GLRA1: variants seen among roughly 807,000 people sequenced by gnomAD.
GLRA1 encodes the protein glycine receptor alpha 1, also known as glycine receptor subunit alpha-1.
A neutral mutation model predicts 48.3 loss-of-function variants in GLRA1; 37 were observed. That is an observed-to-expected ratio of 0.77 (90% CI 0.59 to 1.01). The LOEUF (loss-of-function observed/expected upper bound fraction) is 1.01. Among genes scored for constraint, GLRA1 ranks in the 50% least tolerant of loss-of-function variants. GLRA1 has a pLI of 0.00. For missense variants in GLRA1, 427 were observed against 571.0 expected (o/e 0.75, Z 2.57); for synonymous variants, 196 against 210.7 (o/e 0.93, Z 0.60).
chr5:151,917,383 T>C (rs1303457005), intron 1 of GLRA1, among the ~76,000 whole-genome samples: 1 of 152,210 alleles, frequency 6.6e-6, no homozygotes, highest in Non-Finnish European at 1.5e-5. Flanking sequence ...TTCTGAGAGA[T>C]TCTGTTTCAG....
intron 1 of GLRA1, among the ~76,000 whole-genome samples, chr5:151,906,423 T>C (rs939912733): frequency 3.0e-4 from 46 of 152,196 alleles, no homozygotes; most frequent in Non-Finnish European, 2.9e-5. Flanking sequence ...ATTTATTATA[T>C]TTAGTTGTAG....
intron 1 of GLRA1, among the ~76,000 whole-genome samples, chr5:151,895,056 A>T (rs1754196328): frequency 6.6e-6 from 1 of 152,020 alleles, no homozygotes; most frequent in African/African-American, 2.4e-5. Flanking sequence ...TCTAGGTATG[A>T]TTGTATAGAT....
At chr5:151,904,998 A>T (rs1365832986) in intron 1 of GLRA1, among the ~76,000 whole-genome samples, 2 of 152,196 alleles carry the variant, frequency 1.3e-5, no homozygotes, top group African/African-American at 4.8e-5. Context: ...GTTATGTAGT[A>T]AATTAATAGT....
At chr5:151,837,911 TAACA>T (rs1245546267) in intron 7 of GLRA1, among the ~76,000 whole-genome samples, 3 of 152,132 alleles carry the variant, frequency 2.0e-5, no homozygotes, top group African/African-American at 4.8e-5. Context: ...TATACCTATG[TAACA>T]AACCTGCATG....
intron 7 of GLRA1, 123 bp from the exon 8 acceptor site, chr5:151,829,190 G>C: frequency 4.4e-6 from 4 of 904,814 alleles, no homozygotes; most frequent in Non-Finnish European, 7.0e-6. Flanking sequence ...CTGCTTCTCA[G>C]CTGGGATATT....
intron 7 of GLRA1, among the ~76,000 whole-genome samples, chr5:151,848,568 A>G (rs1221977840): frequency 6.6e-6 from 1 of 152,158 alleles, no homozygotes; most frequent in Admixed American, 6.5e-5. Flanking sequence ...GGGCAGAAAC[A>G]CAGCACACAC....
chr5:151,913,646 A>G (rs1055238224), intron 1 of GLRA1, among the ~76,000 whole-genome samples: 2 of 152,246 alleles, frequency 1.3e-5, no homozygotes, highest in African/African-American at 2.4e-5. Flanking sequence ...GTTGCCAAAC[A>G]TGGTGTTTAG....
chr5:151,898,930 A>C (rs184161584), intron 1 of GLRA1, among the ~76,000 whole-genome samples: 1 of 152,288 alleles, frequency 6.6e-6, no homozygotes, highest in Non-Finnish European at 1.5e-5. Flanking sequence ...GTTGGCCTGG[A>C]AAAATATAGG....
At chr5:151,917,958 G>A (rs913855876) in intron 1 of GLRA1, among the ~76,000 whole-genome samples, 2 of 152,290 alleles carry the variant, frequency 1.3e-5, no homozygotes, top group Admixed American at 6.5e-5. Context: ...AATGATTGTC[G>A]GCAGCTCCCT....
intron 3 of GLRA1, among the ~76,000 whole-genome samples, chr5:151,873,676 A>G (rs1372202901): frequency 2.0e-5 from 3 of 152,052 alleles, no homozygotes; most frequent in African/African-American, 7.3e-5. Context: ...AAAAAAAAAA[A>G]AAAAAAGGTT....
chr5:151,836,493 A>G (rs1024311095), intron 7 of GLRA1, among the ~76,000 whole-genome samples: 1 of 152,216 alleles, frequency 6.6e-6, no homozygotes, highest in African/African-American at 2.4e-5. Flanking sequence ...GAGCCCACAT[A>G]ACCAAGACAA....
At chr5:151,863,706 A>G (rs1348014033) in intron 3 of GLRA1, among the ~76,000 whole-genome samples, 3 of 152,098 alleles carry the variant, frequency 2.0e-5, no homozygotes, top group Non-Finnish European at 4.4e-5. Context: ...GAGGTCATGC[A>G]ATATTTTCTT....
At chr5:151,918,743 T>A (rs1469659337) in intron 1 of GLRA1, among the ~76,000 whole-genome samples, 1 of 152,212 alleles carries the variant, frequency 6.6e-6, no homozygotes, top group East Asian at 1.9e-4. Context: ...ATTCCTTCTA[T>A]GTCTTTCCTG....
At chr5:151,891,108 A>G (rs942243916) in intron 2 of GLRA1, among the ~76,000 whole-genome samples, 2 of 152,228 alleles carry the variant, frequency 1.3e-5, no homozygotes, top group African/African-American at 4.8e-5. Flanking sequence ...ACAGTGAGGA[A>G]GGGCACCTGA....
chr5:151,918,864 T>C (rs563445514), intron 1 of GLRA1, among the ~76,000 whole-genome samples: 185 of 152,322 alleles, frequency 1.2e-3, no homozygotes, highest in African/African-American at 4.0e-3. Flanking sequence ...TTCTGACTTA[T>C]ATTGAGTCCA....
chr5:151,837,535 C>G (rs977726012), intron 7 of GLRA1, among the ~76,000 whole-genome samples: 13 of 152,166 alleles, frequency 8.5e-5, no homozygotes, highest in African/African-American at 3.1e-4. Flanking sequence ...CAGCACTGTT[C>G]ACAATAGCAA....
intron 8 of GLRA1, 64 bp from the exon 9 acceptor site, chr5:151,823,027 A>C: frequency 7.0e-7 from 1 of 1,431,852 alleles, no homozygotes; most frequent in Non-Finnish European, 9.4e-7. Context: ...CCTCCCTGCA[A>C]GGCACTCCCT....
chr5:151,901,938 T>C (rs547161923), intron 1 of GLRA1, among the ~76,000 whole-genome samples: 9 of 152,184 alleles, frequency 5.9e-5, no homozygotes, highest in Non-Finnish European at 1.2e-4. Flanking sequence ...ACAACTGGTC[T>C]CTGAAGCCCA....
intron 2 of GLRA1, among the ~76,000 whole-genome samples, chr5:151,889,168 G>A (rs930303996): frequency 2.0e-5 from 3 of 152,232 alleles, no homozygotes; most frequent in Non-Finnish European, 4.4e-5. Flanking sequence ...CTATGGGAAG[G>A]TGCGGTTCAT....
Sources: gnomAD v4.1 joint callset for allele counts (sites outside exome capture counted in the v4.1 genomes callset) on GRCh38, gnomAD v4.1.1 for gene constraint, MANE v1.5 for transcripts, NCBI Gene and HGNC (gene_info 2026-07-23, HGNC 2026-07-21) for gene names.